Variants in PTPRK observed in about 807,000 individuals in gnomAD.
PTPRK encodes receptor-type tyrosine-protein phosphatase kappa.
A neutral mutation model predicts 178.0 loss-of-function variants in PTPRK; 75 were observed. The ratio of observed to expected loss-of-function variants is 0.42; its 90% CI spans 0.35 to 0.51. The LOEUF (loss-of-function observed/expected upper bound fraction) is 0.51, where lower values mean the gene tolerates loss of function less well. Among genes scored for constraint, PTPRK ranks in the 20% least tolerant of loss-of-function variants. PTPRK has a pLI of 0.02. For missense variants in PTPRK, 1,441 were observed against 1,797.8 expected (o/e 0.80, Z 3.59); for synonymous variants, 637 against 620.6 (o/e 1.03, Z -0.39).
chr6:128,502,411 G>C (rs992587848), intron 1 of PTPRK, among the ~76,000 whole-genome samples: 3 of 152,178 alleles, frequency 2.0e-5, no homozygotes, highest in Admixed American at 6.5e-5. Flanking sequence ...CGAACCTAAA[G>C]TTTCTTGATA....
At chr6:128,276,886 C>T (rs2128300157) in intron 3 of PTPRK, among the ~76,000 whole-genome samples, 1 of 152,138 alleles carries the variant, frequency 6.6e-6, no homozygotes, top group African/African-American at 2.4e-5. Flanking sequence ...TCAACAAACC[C>T]TAAATTTTAA....
intron 8 of PTPRK, among the ~76,000 whole-genome samples, chr6:128,086,884 CTT>C (rs920810623): frequency 9.9e-5 from 15 of 151,620 alleles, no homozygotes; most frequent in African/African-American, 2.2e-4. Flanking sequence ...TAATACGAAA[CTT>C]AATATAATTA....
intron 6 of PTPRK, among the ~76,000 whole-genome samples, chr6:128,186,366 A>G (rs1352162004): frequency 6.6e-6 from 1 of 152,090 alleles, no homozygotes; most frequent in East Asian, 1.9e-4. Flanking sequence ...TATTTGTAGA[A>G]CCACATGACC....
intron 2 of PTPRK, among the ~76,000 whole-genome samples, chr6:128,376,501 C>A (rs1837093039): frequency 2.0e-5 from 3 of 152,166 alleles, no homozygotes; most frequent in Admixed American, 2.0e-4. Context: ...TTTCTCCTAG[C>A]CCTCTGAGCC....
chr6:128,395,308 A>C lies in PTPRK; in HGVS notation c.223+2258T>G, dbSNP rs147264386. ...GCCGTGACCTTTTTCCCTCCTCTGC[A>C]TGATTAATTACTTAATGTCCTATTA... On this transcript the variant is annotated intron_variant, in intron 2 of 29. Transcript: ENST00000368226. 3.9e-5 allele frequency among the ~76,000 whole-genome samples: 6 copies of C among 152,316 alleles called. No individual in the cohort carries two copies. The East Asian group carries it at 7.7e-4, about 20-fold the overall frequency.
chr6:128,089,502 T>C (rs1181045353), intron 8 of PTPRK, among the ~76,000 whole-genome samples, 188 bp downstream of exon 8: 1 of 152,202 alleles, frequency 6.6e-6, no homozygotes, highest in Non-Finnish European at 1.5e-5. Flanking sequence ...CATTTAGTAT[T>C]TGGATGCTTG....
intron 13 of PTPRK, among the ~76,000 whole-genome samples, chr6:128,023,954 G>T (rs1175947399): frequency 6.6e-6 from 1 of 152,022 alleles, no homozygotes; most frequent in South Asian, 2.1e-4. Context: ...ACAGGCATGA[G>T]CCACCACACC....
At position 128,465,025 on chromosome 6, in the gene PTPRK, A is replaced by G. The variant is rs559006071; in HGVS notation, c.100+55234T>C. On this transcript the variant is annotated intron_variant, in intron 1 of 29. Coordinates refer to ENST00000368226, the MANE Select transcript of PTPRK (RefSeq NM_002844.4). ...AACCCTACACTATTCTGATGTATTA[A>G]AAGTCCTCATGCAAAGCAAATATGT... is the stretch of plus-strand genomic sequence containing the variant. Among the ~76,000 whole-genome samples the G allele has an allele frequency of 2.5e-3, 372 of 151,736 alleles. 11 individuals carry two copies. Among genetic ancestry groups the G allele is most frequent in the Middle Eastern group, 6.8e-3 (2 of 292 alleles).
At chr6:128,491,673 T>C in intron 1 of PTPRK, 9 of 454,244 alleles carry the variant, frequency 2.0e-5, no homozygotes, top group South Asian at 1.4e-4. Context: ...AACACCAAAA[T>C]CTGCCACTAA....
chr6:128,462,348 T>TCC (rs1299472928), intron 1 of PTPRK, among the ~76,000 whole-genome samples: 24 of 152,324 alleles, frequency 1.6e-4, no homozygotes, highest in African/African-American at 5.8e-4. Context: ...TTTATTTTAA[T>TCC]ACTTATGTAA....
chr6:128,011,102 G>GA (rs1440450545), intron 13 of PTPRK, among the ~76,000 whole-genome samples: 66 of 151,138 alleles, frequency 4.4e-4, no homozygotes, highest in African/African-American at 1.5e-3. Flanking sequence ...AAAGTTGAAT[G>GA]AAAAAACCTA....
intron 28 of PTPRK, 137 bp downstream of exon 28, chr6:127,973,527 C>T (rs1774181170): frequency 3.5e-5 from 33 of 952,744 alleles, no homozygotes; most frequent in Middle Eastern, 7.0e-4. Flanking sequence ...TAATTATAGA[C>T]TCATGAGACA....
At chr6:128,148,101 A>T (rs1265384648) in intron 7 of PTPRK, among the ~76,000 whole-genome samples, 4 of 152,178 alleles carry the variant, frequency 2.6e-5, no homozygotes, top group African/African-American at 9.6e-5. Flanking sequence ...ATCACAGCCC[A>T]TATTTGGTTG....
intron 13 of PTPRK, among the ~76,000 whole-genome samples, chr6:128,012,260 T>A (rs1779137020): frequency 6.6e-6 from 1 of 150,592 alleles, no homozygotes; most frequent in Non-Finnish European, 1.5e-5. Flanking sequence ...TTTAATCACA[T>A]GTATTTTTTT....
intron 1 of PTPRK, among the ~76,000 whole-genome samples, chr6:128,400,434 G>C (rs1232522978): frequency 1.3e-5 from 2 of 152,094 alleles, no homozygotes; most frequent in Non-Finnish European, 2.9e-5. Flanking sequence ...AGGAAGAAAT[G>C]AAAGTAAATA....
At chr6:128,405,775 G>A (rs1841577868) in intron 1 of PTPRK, among the ~76,000 whole-genome samples, 1 of 151,826 alleles carries the variant, frequency 6.6e-6, no homozygotes. Context: ...TTTTATGAAG[G>A]GACGTAAAAC....
At position 128,491,832 on chromosome 6, in the gene PTPRK, C is replaced by T. The variant is rs73772040; in HGVS notation, c.100+28427G>A. The T allele has an allele frequency of 3.3e-3, 1,679 of 515,494 alleles. 19 individuals carry two copies. The highest frequency in any genetic ancestry group is 0.029 in the African/African-American group (1,531 of 51,978). The allele number at this position is 515,494 out of a possible 1,614,324, so 31.9% of individuals were successfully genotyped here. A position where few individuals can be genotyped will look rare whatever the true frequency, so the allele number is the denominator to read the frequency against. On this transcript the variant is annotated intron_variant, in intron 1 of 29. Transcript: ENST00000368226. ...GCAGAACAACAGCAGCAAAAGTTAC[C>T]GACCACAAGCACAGACACTGAAAAC... is the stretch of plus-strand genomic sequence containing the variant.
At chr6:128,241,307 A>T (rs1453117880) in intron 4 of PTPRK, 1 of 533,330 alleles carries the variant, frequency 1.9e-6, no homozygotes. Flanking sequence ...ACTCTAGACC[A>T]GCAACATCAG....
chr6:128,500,311 C>A (rs1855355117), intron 1 of PTPRK, among the ~76,000 whole-genome samples: 1 of 151,870 alleles, frequency 6.6e-6, no homozygotes, highest in African/African-American at 2.4e-5. Flanking sequence ...GAAACAGATG[C>A]TCTAAAAATG....
Sources: gnomAD v4.1 joint callset for allele counts (sites outside exome capture counted in the v4.1 genomes callset) on GRCh38, gnomAD v4.1.1 for gene constraint, MANE v1.5 for transcripts, NCBI Gene and HGNC (gene_info 2026-07-23, HGNC 2026-07-21) for gene names.